Variants in CDH13 observed in about 807,000 individuals in gnomAD.
The protein encoded by CDH13 is cadherin-13.
A neutral mutation model predicts 63.8 loss-of-function variants in CDH13; 24 were observed. The observed-to-expected ratio is 0.38, with a 90% CI of 0.27 to 0.53. The LOEUF (loss-of-function observed/expected upper bound fraction) is 0.53. Ranked by LOEUF, CDH13 falls within the 20% of genes least tolerant of loss-of-function variation. The pLI is 0.85. For synonymous variants in CDH13, 503 were observed against 355.3 expected (o/e 1.42, Z -4.67); for missense variants, 1,049 against 903.1 (o/e 1.16, Z -2.07).
chr16:83,397,271 A>AC (rs1321048360), intron 6 of CDH13: 1 of 151,964 alleles, frequency 6.6e-6, no homozygotes, highest in African/African-American at 2.4e-5. Context: ...ACAAACCACC[A>AC]CCACCATTAT....
Position 82,737,236 on chromosome 16 carries a change from A to T in CDH13, c.45+110099A>T, listed in dbSNP as rs528304207. Reference sequence around the variant, plus strand: ...ATTCTGACTAATTTTATTTAATGCTATTTCCATTCACTTGGTCATCCAGGT... The same window carrying T: ...ATTCTGACTAATTTTATTTAATGCTTTTTCCATTCACTTGGTCATCCAGGT... On this transcript the variant is annotated intron_variant, in intron 1 of 13. Transcript: ENST00000567109. 2.0e-5 allele frequency among the ~76,000 whole-genome samples: 3 copies of T among 152,272 alleles called. No individual in the cohort carries two copies. In the South Asian group the frequency reaches 6.2e-4, roughly 32 times the overall value.
At chr16:83,207,769 A>G (rs1258121638) in intron 4 of CDH13, among the ~76,000 whole-genome samples, 2 of 152,048 alleles carry the variant, frequency 1.3e-5, no homozygotes, top group Non-Finnish European at 2.9e-5. Flanking sequence ...CCTTAAAAAA[A>G]AAAAAAAAAG....
chr16:83,415,471 C>G (rs1008906281), intron 6 of CDH13, among the ~76,000 whole-genome samples: 1 of 152,040 alleles, frequency 6.6e-6, no homozygotes. Context: ...GAAAAGAAAA[C>G]AAAAGACCAA....
chr16:83,598,232 G>A (rs1907455796), intron 7 of CDH13, among the ~76,000 whole-genome samples: 1 of 152,070 alleles, frequency 6.6e-6, no homozygotes. Context: ...GGGTGTGGTG[G>A]CGTGTGATTA....
chr16:82,680,229 A>C (rs952172760), intron 1 of CDH13, among the ~76,000 whole-genome samples: 7 of 152,210 alleles, frequency 4.6e-5, no homozygotes, highest in Non-Finnish European at 1.0e-4. Flanking sequence ...TGGTCTAATG[A>C]GAGTTACTGC....
intron 6 of CDH13, among the ~76,000 whole-genome samples, chr16:83,450,786 C>T (rs1415064735): frequency 1.3e-5 from 2 of 152,120 alleles, no homozygotes; most frequent in African/African-American, 2.4e-5. Context: ...AGGAGAATGG[C>T]GTGAACCCGG....
chr16:83,487,885 A>T (rs1475318051), intron 7 of CDH13, among the ~76,000 whole-genome samples: 1 of 152,174 alleles, frequency 6.6e-6, no homozygotes, highest in East Asian at 1.9e-4. Flanking sequence ...TCTGGATTAC[A>T]TCAACCCCTT....
chr16:83,263,653 GCTT>G (rs1186274617), intron 5 of CDH13, among the ~76,000 whole-genome samples: 3 of 152,176 alleles, frequency 2.0e-5, no homozygotes, highest in Non-Finnish European at 2.9e-5. Context: ...CATTACCACT[GCTT>G]CTTCTGCTTA....
intron 7 of CDH13, among the ~76,000 whole-genome samples, chr16:83,501,129 G>C (rs2074275072): frequency 1.3e-5 from 2 of 152,218 alleles, no homozygotes; most frequent in East Asian, 3.8e-4. Flanking sequence ...ACACTGACCA[G>C]CTGTTTATCT....
At chr16:82,865,070 C>T (rs190713699) in intron 2 of CDH13, among the ~76,000 whole-genome samples, 1 of 152,242 alleles carries the variant, frequency 6.6e-6, no homozygotes, top group Admixed American at 6.5e-5. Context: ...ATACAGGTCA[C>T]CCTGATGCAA....
intron 2 of CDH13, among the ~76,000 whole-genome samples, chr16:82,916,579 A>G (rs1317340021): frequency 6.6e-6 from 1 of 152,144 alleles, no homozygotes; most frequent in East Asian, 1.9e-4. Context: ...GTCTCAAAAA[A>G]AAAATAAATA....
intron 2 of CDH13, among the ~76,000 whole-genome samples, chr16:82,921,841 T>G (rs1717975812): frequency 1.3e-5 from 2 of 152,198 alleles, no homozygotes; most frequent in Admixed American, 1.3e-4. Context: ...CCTCTTTAAA[T>G]GCTTGATAAA....
intron 6 of CDH13, among the ~76,000 whole-genome samples, chr16:83,468,416 C>T (rs1181080904): frequency 6.6e-6 from 1 of 152,122 alleles, no homozygotes; most frequent in Non-Finnish European, 1.5e-5. Flanking sequence ...GAGCACAGCC[C>T]CGCCCACACC....
At chr16:82,954,939 A>G (rs1905845040) in intron 2 of CDH13, among the ~76,000 whole-genome samples, 1 of 152,168 alleles carries the variant, frequency 6.6e-6, no homozygotes, top group African/African-American at 2.4e-5. Context: ...TTAAATGTTC[A>G]TCCCTGTTGT....
At chr16:82,741,080 C>T (rs1246358075) in intron 1 of CDH13, among the ~76,000 whole-genome samples, 1 of 152,124 alleles carries the variant, frequency 6.6e-6, no homozygotes, top group African/African-American at 2.4e-5. Context: ...TCCCCACACC[C>T]CCAAACCCAA....
intron 6 of CDH13, among the ~76,000 whole-genome samples, chr16:83,457,498 C>T (rs1334048889): frequency 6.6e-6 from 1 of 152,140 alleles, no homozygotes; most frequent in Non-Finnish European, 1.5e-5. Context: ...GTGTGTCTGC[C>T]ACCCAGCCCC....
intron 4 of CDH13, among the ~76,000 whole-genome samples, chr16:83,159,602 C>G (rs1322040027): frequency 6.6e-6 from 1 of 152,120 alleles, no homozygotes; most frequent in South Asian, 2.1e-4. Flanking sequence ...TAAAAAAGAG[C>G]CTTAGCAGAA....
intron 3 of CDH13, among the ~76,000 whole-genome samples, chr16:83,059,108 G>A (rs913089634): frequency 6.6e-6 from 1 of 152,186 alleles, no homozygotes; most frequent in African/African-American, 2.4e-5. Flanking sequence ...GGGACATTGA[G>A]AAGAGGAAGG....
intron 6 of CDH13, among the ~76,000 whole-genome samples, chr16:83,380,524 T>A (rs2091543335): frequency 6.6e-6 from 1 of 152,202 alleles, no homozygotes; most frequent in East Asian, 1.9e-4. Context: ...GAAAAAAAAA[T>A]CTCAAGAGTG....
Sources: gnomAD v4.1 joint callset for allele counts (sites outside exome capture counted in the v4.1 genomes callset) on GRCh38, gnomAD v4.1.1 for gene constraint, MANE v1.5 for transcripts, NCBI Gene and HGNC (gene_info 2026-07-23, HGNC 2026-07-21) for gene names.